MIPOL1: variants seen among roughly 807,000 people sequenced by gnomAD.
MIPOL1 encodes mirror-image polydactyly 1, also known as mirror-image polydactyly gene 1 protein.
A neutral mutation model predicts 60.9 loss-of-function variants in MIPOL1; 57 were observed. The ratio of observed to expected loss-of-function variants is 0.94; its 90% CI spans 0.76 to 1.17. The LOEUF (loss-of-function observed/expected upper bound fraction) is 1.17, where lower values mean the gene tolerates loss of function less well. Ranked by LOEUF, MIPOL1 falls within the 50% of genes most tolerant of loss-of-function variation. MIPOL1 has a pLI of 0.00. For synonymous variants in MIPOL1, 179 were observed against 168.8 expected, an observed-to-expected ratio of 1.06 and a Z score of -0.47; for missense variants, 551 against 511.6, an observed-to-expected ratio of 1.08 and a Z score of -0.74.
At chr14:37,285,555 T>A in intron 7 of MIPOL1, 108 bp downstream of exon 7, 2 of 1,092,590 alleles carry the variant, frequency 1.8e-6, no homozygotes, top group Non-Finnish European at 2.6e-6. Flanking sequence ...TGTGTTACAC[T>A]AGGAAATTGC....
intron 3 of MIPOL1, among the ~76,000 whole-genome samples, chr14:37,261,430 C>G (rs756685035): frequency 3.3e-5 from 5 of 151,924 alleles, no homozygotes; most frequent in Admixed American, 6.6e-5. Context: ...TTTAGCTGTG[C>G]AACTATATGC....
rs150648794 is a variant in MIPOL1, at chr14:37,252,219, C to G, written c.19+4312C>G. Among the ~76,000 whole-genome samples the G allele has an allele frequency of 6.8e-4, 103 of 151,540 alleles. 1 individual carries two copies. The highest frequency in any genetic ancestry group is 2.3e-3 in the African/African-American group (97 of 41,404). On this transcript the variant is annotated intron_variant, in intron 3 of 12. Transcript: ENST00000684589. ...GTAGTTATTTTTATTTATGTATTAT[C>G]TAAATTTAGATATAGATTACATATT...
At chr14:37,504,295 G>A (rs1465882016) in intron 12 of MIPOL1, 1 of 152,110 alleles carries the variant, frequency 6.6e-6, no homozygotes, top group Non-Finnish European at 1.5e-5. Flanking sequence ...CAAATCAACA[G>A]AATATACTTT....
At chr14:37,515,959 A>T (rs1307818765) in intron 12 of MIPOL1, among the ~76,000 whole-genome samples, 1 of 152,146 alleles carries the variant, frequency 6.6e-6, no homozygotes, top group East Asian at 1.9e-4. Context: ...AGGAGAAGAG[A>T]ATTTAACACA....
chr14:37,276,058 A>G (rs1331252112), intron 6 of MIPOL1, among the ~76,000 whole-genome samples: 1 of 151,182 alleles, frequency 6.6e-6, no homozygotes. Context: ...GGTTTTAGCC[A>G]AAAGAACTCC....
chr14:37,246,598 T>C (rs938817764), intron 1 of MIPOL1, among the ~76,000 whole-genome samples: 1 of 152,134 alleles, frequency 6.6e-6, no homozygotes, highest in African/African-American at 2.4e-5. Flanking sequence ...TCAATGTTTC[T>C]TGTAATTACT....
At chr14:37,200,664 GTTTTTT>G (rs559596328) in intron 1 of MIPOL1, among the ~76,000 whole-genome samples, 1 of 111,222 alleles carries the variant, frequency 9.0e-6, no homozygotes, top group African/African-American at 3.4e-5. Flanking sequence ...TTCCCAGTTA[GTTTTTT>G]TTTTTTTTTT....
chr14:37,333,449 C>G (rs1386445654), intron 9 of MIPOL1, among the ~76,000 whole-genome samples: 2 of 151,990 alleles, frequency 1.3e-5, no homozygotes, highest in Non-Finnish European at 2.9e-5. Flanking sequence ...AAGACAGATA[C>G]TGTGACATAT....
intron 12 of MIPOL1, among the ~76,000 whole-genome samples, chr14:37,533,816 A>G (rs1051200061): frequency 6.6e-6 from 1 of 152,186 alleles, no homozygotes; most frequent in African/African-American, 2.4e-5. Flanking sequence ...AGCAGTCCAC[A>G]TTCAAGGCAA....
At chr14:37,242,264 A>C (rs1435575367) in intron 1 of MIPOL1, among the ~76,000 whole-genome samples, 1 of 151,446 alleles carries the variant, frequency 6.6e-6, no homozygotes, top group Non-Finnish European at 1.5e-5. Context: ...CCCCACCCCA[A>C]CTCATAGGCC....
At chr14:37,295,304 G>A (rs542161013) in intron 7 of MIPOL1, among the ~76,000 whole-genome samples, 1 of 152,240 alleles carries the variant, frequency 6.6e-6, no homozygotes, top group East Asian at 1.9e-4. Context: ...CCTGAAGGAA[G>A]CACTAACCAT....
intron 6 of MIPOL1, 116 bp downstream of exon 6, chr14:37,270,641 CTTT>C (rs66866056): frequency 8.6e-3 from 1,822 of 210,846 alleles, no homozygotes; most frequent in East Asian, 0.013. Context: ...GGAAGCTCTC[CTTT>C]TTTTTTTTTT....
intron 6 of MIPOL1, among the ~76,000 whole-genome samples, chr14:37,270,788 G>C (rs2083248902): frequency 6.6e-6 from 1 of 151,714 alleles, no homozygotes; most frequent in Admixed American, 6.6e-5. Context: ...CAAAAAGGTT[G>C]TTTGTTTTGT....
intron 11 of MIPOL1, among the ~76,000 whole-genome samples, chr14:37,498,245 T>C (rs1328160020): frequency 2.0e-5 from 3 of 152,186 alleles, no homozygotes; most frequent in Non-Finnish European, 1.5e-5. Flanking sequence ...CTGCATTTGT[T>C]CTGTATTTTG....
chr14:37,438,295 A>G (rs997308707), intron 11 of MIPOL1, among the ~76,000 whole-genome samples: 1 of 152,220 alleles, frequency 6.6e-6, no homozygotes, highest in African/African-American at 2.4e-5. Flanking sequence ...ACCCTAGAAA[A>G]TACAGATATA....
intron 9 of MIPOL1, among the ~76,000 whole-genome samples, chr14:37,364,009 G>T (rs889259825): frequency 4.6e-5 from 7 of 152,186 alleles, no homozygotes; most frequent in Admixed American, 6.5e-5. Context: ...ATTTGGGCCG[G>T]AATGTCCCAT....
chr14:37,332,455 A>G (rs1198313673), intron 9 of MIPOL1, among the ~76,000 whole-genome samples: 1 of 152,142 alleles, frequency 6.6e-6, no homozygotes, highest in Non-Finnish European at 1.5e-5. Flanking sequence ...TGACTCCCCA[A>G]AACCTAACTA....
chr14:37,316,492 A>G (rs2087911396), intron 9 of MIPOL1, among the ~76,000 whole-genome samples: 1 of 152,022 alleles, frequency 6.6e-6, no homozygotes, highest in African/African-American at 2.4e-5. Flanking sequence ...AAATGGAAAT[A>G]GAGGAAGTGC....
rs2094281063 is a variant in MIPOL1 at position 37,443,418 on chromosome 14, C to T, written c.1031+20469C>T. On this transcript the variant is annotated intron_variant, in intron 11 of 12. Transcript: ENST00000684589. ...AGACTACAGTGAGCTATGATTGCAC[C>T]ACTGCACTCCAGCCTGGGTGACAGA... Among the ~76,000 whole-genome samples the T allele has an allele frequency of 2.1e-5, 3 of 141,268 alleles. No homozygotes were observed. In the Admixed American group the frequency reaches 2.2e-4, roughly 10 times the overall value. The allele number at this position is 141,268 out of a possible 152,430, so 92.7% of individuals were successfully genotyped here. A position where few individuals can be genotyped will look rare whatever the true frequency, so the allele number is the denominator to read the frequency against.
Sources: gnomAD v4.1 joint callset for allele counts (sites outside exome capture counted in the v4.1 genomes callset) on GRCh38, gnomAD v4.1.1 for gene constraint, MANE v1.5 for transcripts, NCBI Gene and HGNC (gene_info 2026-07-23, HGNC 2026-07-21) for gene names.